The following RGS9 variants were observed in gnomAD, a reference collection of about 807,000 sequenced individuals.
RGS9 encodes regulator of G protein signaling 9, also known as regulator of G-protein signalling 9.
In RGS9, 78 loss-of-function variants were observed where a neutral mutation model predicts 102.0. The observed-to-expected ratio is 0.76, with a 90% CI of 0.64 to 0.92. The LOEUF (loss-of-function observed/expected upper bound fraction) is 0.92. Among genes scored for constraint, RGS9 ranks in the 40% least tolerant of loss-of-function variants. RGS9 has a pLI of 0.00. For synonymous variants in RGS9, 353 were observed against 318.6 expected (o/e 1.11, Z -1.15); for missense variants, 833 against 866.1 (o/e 0.96, Z 0.48).
rs879786708 is a variant in RGS9, at chr17:65,183,103, TCTATCTAC to T, written c.654+5304_654+5311del. Among the ~76,000 whole-genome samples, 773 of 147,126 alleles carry T rather than the reference TCTATCTAC, an allele frequency of 5.3e-3. 16 individuals carry two copies. In the East Asian group the frequency reaches 0.053, roughly 10 times the overall value. ...ATCTATCTATCTATCTATCTATCTA[TCTATCTAC>T]CTACCTACCTACATACCTATCTATC... On this transcript the variant is annotated intron_variant, in intron 9 of 18. Coordinates refer to ENST00000262406, the MANE Select transcript of RGS9 (RefSeq NM_003835.4).
intron 10 of RGS9, 127 bp downstream of exon 10, chr17:65,189,442 C>T (rs1912273406): frequency 1.3e-6 from 1 of 777,212 alleles, no homozygotes; most frequent in East Asian, 2.5e-5. Context: ...CAATTATTTC[C>T]AAATTCACGG....
At chr17:65,203,651 G>A (rs1377880399) in intron 14 of RGS9, among the ~76,000 whole-genome samples, 2 of 152,202 alleles carry the variant, frequency 1.3e-5, no homozygotes, top group Non-Finnish European at 2.9e-5. Flanking sequence ...GTCTAATTGG[G>A]AGCCTTGGCC....
Position 65,197,204 on chromosome 17 carries a change from ACAGAGCTTC to A in RGS9, c.943_951del (p.Ser315_Gln317del). On this transcript the variant is annotated inframe_deletion, in exon 13 of 19. Coordinates refer to ENST00000262406, the MANE Select transcript of RGS9 (RefSeq NM_003835.4). ...AATTGATCCGAGACCCCAAAGGTCG[ACAGAGCTTC>A]CAGTACTTCCTCAAGAAAGAATTCA... is the stretch of plus-strand genomic sequence containing the variant. 6.2e-7 allele frequency: 1 copy of A among 1,613,906 alleles called. No homozygotes were observed. The highest frequency in any genetic ancestry group is 8.5e-7 in the Non-Finnish European group (1 of 1,179,828).
intron 8 of RGS9, among the ~76,000 whole-genome samples, chr17:65,176,022 T>C (rs1244181593): frequency 1.3e-5 from 2 of 152,230 alleles, no homozygotes. Flanking sequence ...TCTGATCCCA[T>C]GGATGAGGCT....
At chr17:65,199,100 C>T (rs1366800872) in intron 13 of RGS9, among the ~76,000 whole-genome samples, 1 of 152,196 alleles carries the variant, frequency 6.6e-6, no homozygotes, top group Non-Finnish European at 1.5e-5. Context: ...ATGAACAGGG[C>T]AGATAAATCA....
Position 65,204,260 on chromosome 17 carries a change from C to T in RGS9, c.1162C>T (p.Leu388=). Residue 388 remains leucine (L), a synonymous_variant, in exon 15 of 19, where the codon CTG becomes TTG. Transcript: ENST00000262406. ...KGLKHPHRYV[L]DAAQTHIYML... Reference sequence around the variant, plus strand: ...GCTGAAGCACCCCCACCGCTATGTGCTGGACGCCGCACAAACCCACATTTA... The same window carrying T: ...GCTGAAGCACCCCCACCGCTATGTGTTGGACGCCGCACAAACCCACATTTA... The T allele has an allele frequency of 1.9e-6, 3 of 1,613,710 alleles. No homozygotes were observed. Among genetic ancestry groups the T allele is most frequent in the Non-Finnish European group, 2.5e-6 (3 of 1,180,036 alleles).
chr17:65,147,502 C>G (rs535586444), intron 1 of RGS9, among the ~76,000 whole-genome samples: 70 of 151,606 alleles, frequency 4.6e-4, no homozygotes, highest in African/African-American at 1.7e-3. Context: ...TGACAGGTGG[C>G]AGGTAGCATT....
At chr17:65,145,171 A>G (rs560982746) in intron 1 of RGS9, among the ~76,000 whole-genome samples, 237 of 151,722 alleles carry the variant, frequency 1.6e-3, no homozygotes, top group African/African-American at 5.5e-3. Flanking sequence ...GCTCACTACA[A>G]CCTCCACCGC....
chr17:65,179,163 G>T (rs1447802252), intron 9 of RGS9, among the ~76,000 whole-genome samples: 1 of 152,112 alleles, frequency 6.6e-6, no homozygotes, highest in Non-Finnish European at 1.5e-5. Flanking sequence ...GGCCTGTAGG[G>T]GTGTGCAGGG....
intron 13 of RGS9, among the ~76,000 whole-genome samples, chr17:65,198,201 A>G (rs541375814): frequency 6.6e-6 from 1 of 151,764 alleles, no homozygotes; most frequent in Non-Finnish European, 1.5e-5. Flanking sequence ...TTTTAGTGAA[A>G]TGGGCAGGGC....
At chr17:65,168,008 C>G (rs1053768847) in intron 7 of RGS9, among the ~76,000 whole-genome samples, 192 bp from the exon 8 acceptor site, 1 of 151,836 alleles carries the variant, frequency 6.6e-6, no homozygotes, top group Non-Finnish European at 1.5e-5. Context: ...AGAGTTAATA[C>G]GTGTCAAAGT....
intron 11 of RGS9, among the ~76,000 whole-genome samples, chr17:65,192,530 C>T (rs2144069738): frequency 6.6e-6 from 1 of 151,780 alleles, no homozygotes; most frequent in South Asian, 2.1e-4. Context: ...GGGAGGACGG[C>T]TTGAGCTGGG....
rs767618225 is a variant in RGS9, at chr17:65,224,994, C to T, written c.1408-8C>T. 6.2e-7 allele frequency: 1 copy of T among 1,613,582 alleles called. No homozygotes were observed. The highest frequency in any genetic ancestry group is 8.5e-7 in the Non-Finnish European group (1 of 1,180,012). On this transcript the variant is annotated splice_region_variant and splice_polypyrimidine_tract_variant and intron_variant, in intron 17 of 18. Coordinates refer to ENST00000262406, the MANE Select transcript of RGS9 (RefSeq NM_003835.4). Reference sequence around the variant, plus strand: ...CACCACTGAGCTCTCTCCTTTCCTTCTCTACAGCCGGGCCAGCACATGGCT... The same window carrying T: ...CACCACTGAGCTCTCTCCTTTCCTTTTCTACAGCCGGGCCAGCACATGGCT...
intron 15 of RGS9, among the ~76,000 whole-genome samples, chr17:65,206,904 C>G (rs1913084523): frequency 6.6e-6 from 1 of 152,196 alleles, no homozygotes; most frequent in Non-Finnish European, 1.5e-5. Context: ...AGACTCTATC[C>G]TAGTTCTCAT....
At chr17:65,141,377 G>T (rs1910150888) in intron 1 of RGS9, among the ~76,000 whole-genome samples, 1 of 152,182 alleles carries the variant, frequency 6.6e-6, no homozygotes, top group Non-Finnish European at 1.5e-5. Flanking sequence ...GATTCACCAT[G>T]GGCGAATTTC....
intron 3 of RGS9, 98 bp downstream of exon 3, chr17:65,158,443 T>C: frequency 8.8e-7 from 1 of 1,142,372 alleles, no homozygotes; most frequent in South Asian, 1.2e-5. Context: ...CTGAGAAATT[T>C]ACATTTTAAT....
intron 9 of RGS9, among the ~76,000 whole-genome samples, chr17:65,178,139 C>A (rs1911718347): frequency 3.3e-5 from 5 of 152,166 alleles, no homozygotes; most frequent in Admixed American, 2.6e-4. Flanking sequence ...CTCAAAGATG[C>A]ACAGACAGAC....
chr17:65,200,159 G>A (rs1197246361), intron 13 of RGS9, among the ~76,000 whole-genome samples: 4 of 152,092 alleles, frequency 2.6e-5, no homozygotes, highest in African/African-American at 9.7e-5. Context: ...AGCCTCCTGA[G>A]TAGCTGGGAT....
At chr17:65,148,294 C>G (rs1458907955) in intron 1 of RGS9, among the ~76,000 whole-genome samples, 1 of 152,198 alleles carries the variant, frequency 6.6e-6, no homozygotes, top group African/African-American at 2.4e-5. Context: ...ATGCATAGAA[C>G]ACATTTTCTT....
Sources: allele counts gnomAD v4.1 joint callset (sites outside exome capture counted in the v4.1 genomes callset), GRCh38; gene constraint gnomAD v4.1.1; transcripts MANE v1.5; gene names NCBI Gene and HGNC (gene_info 2026-07-23, HGNC 2026-07-21).